Variants in CSMD3 observed in about 807,000 individuals in gnomAD.
CSMD3 encodes the protein CUB and sushi domain-containing protein 3.
CSMD3 carries 177 observed loss-of-function variants against 435.2 expected under a neutral mutation model. That is an observed-to-expected ratio of 0.41 (90% CI 0.36 to 0.46). CSMD3 has a LOEUF of 0.46. CSMD3 is among the 20% of genes least tolerant of loss of function. CSMD3 has a pLI of 0.34. For synonymous variants in CSMD3, 1,656 were observed against 1,520.5 expected (o/e 1.09, Z -2.07); for missense variants, 4,265 against 4,504.6 (o/e 0.95, Z 1.52).
intron 5 of CSMD3, among the ~76,000 whole-genome samples, chr8:113,031,064 C>T (rs537378645): frequency 6.6e-6 from 1 of 151,470 alleles, no homozygotes; most frequent in Non-Finnish European, 1.5e-5. Context: ...AATGGTATAC[C>T]AACACTGGAG....
At chr8:112,547,274 G>T (rs968139080) in intron 27 of CSMD3, among the ~76,000 whole-genome samples, 2 of 151,940 alleles carry the variant, frequency 1.3e-5, no homozygotes, top group African/African-American at 4.8e-5. Flanking sequence ...GTTTTATATA[G>T]ACATTTTAAG....
rs189638358 is a variant in CSMD3 at position 113,041,757 on chromosome 8, C to G, written c.918-22578G>C. On this transcript the variant is annotated intron_variant, in intron 5 of 70. Transcript: ENST00000297405. The stretch of plus-strand genomic sequence containing the variant: ...TGTGATTTTCCAAATTGCATTTATG[C>G]TTAGAAAGCCTTTTTCTATTCAGAA... 1.5e-3 allele frequency among the ~76,000 whole-genome samples: 221 copies of G among 152,074 alleles called. 1 individual carries two copies. Among genetic ancestry groups the G allele is most frequent in the Admixed American group, 4.8e-3 (73 of 15,266 alleles).
intron 10 of CSMD3, among the ~76,000 whole-genome samples, chr8:112,870,673 C>G (rs1012331387): frequency 2.0e-5 from 3 of 152,098 alleles, no homozygotes; most frequent in Non-Finnish European, 4.4e-5. Context: ...TTTGTGAAGG[C>G]TGAGTGCTGG....
At chr8:113,045,261 T>C (rs915497752) in intron 5 of CSMD3, among the ~76,000 whole-genome samples, 1 of 149,164 alleles carries the variant, frequency 6.7e-6, no homozygotes, top group Non-Finnish European at 1.5e-5. Flanking sequence ...CCCTACTAGT[T>C]TTCTAAAGGC....
At chr8:112,652,041 T>A (rs1308033837) in intron 18 of CSMD3, among the ~76,000 whole-genome samples, 2 of 152,200 alleles carry the variant, frequency 1.3e-5, no homozygotes, top group African/African-American at 2.4e-5. Flanking sequence ...CAATTTATTC[T>A]ATATAAAATG....
chr8:112,301,813 T>A lies in CSMD3; in HGVS notation c.8420A>T (p.Glu2807Val). The A allele has an allele frequency of 6.2e-7, 1 of 1,613,816 alleles. No individual in the cohort carries two copies. The highest frequency in any genetic ancestry group is 1.3e-5 in the African/African-American group (1 of 74,990). ...RECLSSGLWS[E>V]SETRCLAGHC... ...TGTACCTAGGCATCTGGTTTCAGATTCACTCCAAAGACCTGAGGAAAGGCA... is the reference window on the plus strand; with the variant it reads ...TGTACCTAGGCATCTGGTTTCAGATACACTCCAAAGACCTGAGGAAAGGCA... The change falls in exon 53 of 71, where the codon GAA (glutamate) becomes GTA (valine). Residue 2807 changes from glutamate (E) to valine (V), a missense_variant. By Grantham distance (121) the Glu-to-Val change is moderately radical (BLOSUM62 -2). Around this residue, in one of 3 missense-constraint regions of CSMD3, gnomAD observed 3,255 missense variants for 3,380.2 expected, o/e 0.96. Coordinates refer to ENST00000297405, the MANE Select transcript of CSMD3 (RefSeq NM_198123.2).
chr8:113,215,188 A>T (rs985605065), intron 3 of CSMD3, among the ~76,000 whole-genome samples: 25 of 151,904 alleles, frequency 1.6e-4, no homozygotes, highest in Non-Finnish European at 2.4e-4. Flanking sequence ...TGACCACAAA[A>T]TTTAAATTCT....
intron 3 of CSMD3, among the ~76,000 whole-genome samples, chr8:113,254,014 T>A (rs894807732): frequency 1.3e-5 from 2 of 152,158 alleles, no homozygotes; most frequent in African/African-American, 4.8e-5. Flanking sequence ...AATTAGATAC[T>A]ATGTCTTTCC....
intron 35 of CSMD3, among the ~76,000 whole-genome samples, chr8:112,399,776 T>C (rs566553620): frequency 6.6e-6 from 1 of 152,322 alleles, no homozygotes; most frequent in Admixed American, 6.5e-5. Context: ...TATTCTTTCC[T>C]CTATTGTTCA....
At chr8:112,409,547 G>A (rs1832156622) in intron 32 of CSMD3, among the ~76,000 whole-genome samples, 1 of 151,846 alleles carries the variant, frequency 6.6e-6, no homozygotes, top group Admixed American at 6.6e-5. Context: ...CAGATATAGT[G>A]TTTAATTTAT....
At chr8:112,618,922 T>C (rs1019868864) in intron 22 of CSMD3, among the ~76,000 whole-genome samples, 1 of 152,158 alleles carries the variant, frequency 6.6e-6, no homozygotes, top group Non-Finnish European at 1.5e-5. Flanking sequence ...ATCATCTTTT[T>C]ATTAAAATTA....
chr8:112,629,674 T>C (rs1286782246), intron 22 of CSMD3, among the ~76,000 whole-genome samples: 1 of 152,184 alleles, frequency 6.6e-6, no homozygotes, highest in Non-Finnish European at 1.5e-5. Flanking sequence ...ATTGTGACTT[T>C]ATCCAGTGGG....
At chr8:112,602,058 TG>T (rs199588753) in intron 22 of CSMD3, among the ~76,000 whole-genome samples, 2,047 of 152,166 alleles carry the variant, frequency 0.013, 21 homozygotes, top group Non-Finnish European at 0.021. Context: ...TACTTTAGAG[TG>T]GTCACTGTCT....
At chr8:112,736,973 G>GT (rs1195364932) in intron 13 of CSMD3, among the ~76,000 whole-genome samples, 1 of 151,818 alleles carries the variant, frequency 6.6e-6, no homozygotes, top group Non-Finnish European at 1.5e-5. Flanking sequence ...TTAATTGTTG[G>GT]TTTTATCTTT....
chr8:113,285,070 T>A (rs552570751), intron 2 of CSMD3, among the ~76,000 whole-genome samples: 387 of 152,294 alleles, frequency 2.5e-3, no homozygotes, highest in African/African-American at 8.9e-3. Context: ...GAAGCCAGAA[T>A]AAAATTTTAA....
At chr8:113,084,334 G>C (rs989995091) in intron 5 of CSMD3, among the ~76,000 whole-genome samples, 5 of 151,794 alleles carry the variant, frequency 3.3e-5, no homozygotes, top group South Asian at 4.1e-4. Context: ...AATAAGTCAA[G>C]AAAGAAATCC....
intron 66 of CSMD3, 108 bp downstream of exon 66, chr8:112,241,612 G>A (rs1247501912): frequency 6.5e-6 from 5 of 767,528 alleles, no homozygotes; most frequent in Non-Finnish European, 6.7e-6. Context: ...GACAGTCATA[G>A]TTTTTTATAC....
chr8:112,711,959 A>C (rs1563882394), intron 13 of CSMD3, among the ~76,000 whole-genome samples: 2 of 152,160 alleles, frequency 1.3e-5, no homozygotes. Context: ...TACTTAGGAC[A>C]TTATGCCTAA....
At chr8:112,725,679 T>A (rs1309879803) in intron 13 of CSMD3, among the ~76,000 whole-genome samples, 1 of 151,924 alleles carries the variant, frequency 6.6e-6, no homozygotes, top group Non-Finnish European at 1.5e-5. Context: ...CAATGCACAG[T>A]ACCTCAAAAC....
Sources: allele counts gnomAD v4.1 joint callset (sites outside exome capture counted in the v4.1 genomes callset), GRCh38; gene constraint gnomAD v4.1.1; regional missense constraint gnomAD v4.1.1; transcripts MANE v1.5; gene names NCBI Gene and HGNC (gene_info 2026-07-23, HGNC 2026-07-21).